The following ZNF804B variants were observed in gnomAD, a reference collection of about 807,000 sequenced individuals.
ZNF804B encodes the protein zinc finger protein 804B, also known as zinc finger 804B.
A neutral mutation model predicts 101.4 loss-of-function variants in ZNF804B; 80 were observed. That is an observed-to-expected ratio of 0.79 (90% CI 0.66 to 0.95). The LOEUF (loss-of-function observed/expected upper bound fraction) is 0.95. ZNF804B is among the 40% of genes least tolerant of loss of function. The pLI, the probability that ZNF804B is intolerant of heterozygous loss-of-function variation, is 0.00. For missense variants in ZNF804B, 1,673 were observed against 1,561.9 expected (o/e 1.07, Z -1.20); for synonymous variants, 622 against 558.8 (o/e 1.11, Z -1.59).
chr7:89,118,261 C>T (rs969079985), intron 1 of ZNF804B, among the ~76,000 whole-genome samples: 6 of 152,114 alleles, frequency 3.9e-5, no homozygotes, highest in Non-Finnish European at 7.4e-5. Flanking sequence ...AATATCGCCT[C>T]CTTGGAGTAC....
chr7:88,940,956 T>A (rs1793046798), intron 1 of ZNF804B, among the ~76,000 whole-genome samples: 1 of 151,608 alleles, frequency 6.6e-6, no homozygotes, highest in African/African-American at 2.4e-5. Context: ...AAAATTGGGT[T>A]TAAAAAAATG....
intron 1 of ZNF804B, among the ~76,000 whole-genome samples, chr7:88,771,575 T>C (rs2519952): frequency 0.44 from 66,211 of 151,894 alleles, 17,509 homozygotes; most frequent in African/African-American, 0.74. Context: ...CTGCACAACG[T>C]CTCTGTTGCT....
chr7:88,960,913 A>G (rs913153944), intron 1 of ZNF804B, among the ~76,000 whole-genome samples: 1 of 151,414 alleles, frequency 6.6e-6, no homozygotes, highest in Non-Finnish European at 1.5e-5. Context: ...ACAAACAAAA[A>G]GTTTGATACT....
intron 1 of ZNF804B, among the ~76,000 whole-genome samples, chr7:89,113,987 G>A (rs1458750477): frequency 2.0e-5 from 3 of 151,874 alleles, no homozygotes; most frequent in Non-Finnish European, 2.9e-5. Context: ...CCAGGGATAG[G>A]TGCAAGAATT....
chr7:88,930,537 G>A (rs1792866794), intron 1 of ZNF804B, among the ~76,000 whole-genome samples: 1 of 151,828 alleles, frequency 6.6e-6, no homozygotes, highest in Non-Finnish European at 1.5e-5. Flanking sequence ...TTTAAAAACT[G>A]CTTCAAATTA....
intron 1 of ZNF804B, among the ~76,000 whole-genome samples, chr7:89,109,255 C>T (rs7789607): frequency 0.75 from 114,298 of 152,110 alleles, 43,770 homozygotes; most frequent in African/African-American, 0.91. Context: ...ACTGTCTATT[C>T]GTTACACAAG....
chr7:89,083,508 G>A (rs1789728036), intron 1 of ZNF804B, among the ~76,000 whole-genome samples: 1 of 150,468 alleles, frequency 6.6e-6, no homozygotes, highest in Admixed American at 6.7e-5. Context: ...GATTATTATT[G>A]TACATTCCTA....
chr7:89,241,458 T>C (rs1789370911), intron 2 of ZNF804B, among the ~76,000 whole-genome samples: 1 of 152,144 alleles, frequency 6.6e-6, no homozygotes, highest in Non-Finnish European at 1.5e-5. Context: ...TCTGTCTCAC[T>C]AATTTCCTTG....
intron 1 of ZNF804B, among the ~76,000 whole-genome samples, chr7:88,796,201 T>G (rs950845323): frequency 1.3e-5 from 2 of 152,098 alleles, no homozygotes. Flanking sequence ...ACAGTAATTT[T>G]AAAACAAGTT....
chr7:88,906,877 T>C (rs1792478357), intron 1 of ZNF804B, among the ~76,000 whole-genome samples: 1 of 152,116 alleles, frequency 6.6e-6, no homozygotes, highest in East Asian at 1.9e-4. Context: ...AGTCTTTTCA[T>C]AGGTCAAGAA....
intron 1 of ZNF804B, among the ~76,000 whole-genome samples, chr7:89,031,524 T>C (rs1254274186): frequency 6.6e-6 from 1 of 152,026 alleles, no homozygotes; most frequent in East Asian, 1.9e-4. Context: ...TGATATAATA[T>C]GGATAATGAA....
intron 1 of ZNF804B, among the ~76,000 whole-genome samples, chr7:88,804,170 C>A (rs1331172963): frequency 6.6e-6 from 1 of 152,014 alleles, no homozygotes; most frequent in Non-Finnish European, 1.5e-5. Context: ...TTGAGTGGAT[C>A]AAAGGAGAAT....
At chr7:88,914,118 C>G (rs1051014897) in intron 1 of ZNF804B, among the ~76,000 whole-genome samples, 1 of 152,186 alleles carries the variant, frequency 6.6e-6, no homozygotes, top group African/African-American at 2.4e-5. Context: ...CTCTGCTTAT[C>G]TATCCCTTTG....
At chr7:89,139,110 C>A (rs2189069) in intron 1 of ZNF804B, among the ~76,000 whole-genome samples, 40,629 of 151,910 alleles carry the variant, frequency 0.27, 5,453 homozygotes, top group Admixed American at 0.32. Flanking sequence ...TACAGTGAGT[C>A]AAGGAATTTT....
At chr7:88,874,537 C>A (rs1316085774) in intron 1 of ZNF804B, among the ~76,000 whole-genome samples, 2 of 151,970 alleles carry the variant, frequency 1.3e-5, no homozygotes, top group Non-Finnish European at 2.9e-5. Context: ...GAGAGCATCC[C>A]TGTCTTGTGC....
At chr7:89,044,021 A>G (rs1042247026) in intron 1 of ZNF804B, among the ~76,000 whole-genome samples, 1 of 152,224 alleles carries the variant, frequency 6.6e-6, no homozygotes, top group Non-Finnish European at 1.5e-5. Context: ...TTGTAACAAC[A>G]TGGATTATGT....
intron 1 of ZNF804B, among the ~76,000 whole-genome samples, chr7:88,832,609 AAAAATCTAGGGAAGAATTATTGATAT>A (rs1168198054): frequency 6.6e-6 from 1 of 151,996 alleles, no homozygotes; most frequent in Non-Finnish European, 1.5e-5. Context: ...CTGCAAAAAA[AAAAATCTAGGGAAGAATTATTGATAT>A]AAAATAGATT....
At chr7:89,031,776 T>C (rs1453204259) in intron 1 of ZNF804B, among the ~76,000 whole-genome samples, 1 of 152,018 alleles carries the variant, frequency 6.6e-6, no homozygotes, top group Non-Finnish European at 1.5e-5. Flanking sequence ...CTTAAAATAG[T>C]AGTATGACCT....
intron 1 of ZNF804B, among the ~76,000 whole-genome samples, chr7:88,943,655 AT>A (rs1274331304): frequency 6.6e-6 from 1 of 151,810 alleles, no homozygotes; most frequent in Non-Finnish European, 1.5e-5. Context: ...GTTCTGATAA[AT>A]ATAAACAATG....
Sources: gnomAD v4.1 joint callset for allele counts (sites outside exome capture counted in the v4.1 genomes callset) on GRCh38, gnomAD v4.1.1 for gene constraint, MANE v1.5 for transcripts, NCBI Gene and HGNC (gene_info 2026-07-23, HGNC 2026-07-21) for gene names.